Variants in COL14A1 observed in about 807,000 individuals in gnomAD.
COL14A1 encodes the protein collagen type XIV alpha 1 chain.
COL14A1 carries 136 observed loss-of-function variants against 230.3 expected under a neutral mutation model. The ratio of observed to expected loss-of-function variants is 0.59; its 90% CI spans 0.51 to 0.68. COL14A1 has a LOEUF of 0.68. Ranked by LOEUF, COL14A1 falls within the 30% of genes least tolerant of loss-of-function variation. The probability of loss-of-function intolerance (pLI) is 0.00; values close to 1 mark genes in which losing one functional copy is unlikely to be tolerated. For synonymous variants in COL14A1, 792 were observed against 784.1 expected, an observed-to-expected ratio of 1.01 and a Z score of -0.17; for missense variants, 1,976 against 2,215.8, an observed-to-expected ratio of 0.89 and a Z score of 2.17.
intron 45 of COL14A1, among the ~76,000 whole-genome samples, chr8:120,353,962 T>C (rs1313948613): frequency 7.0e-6 from 1 of 142,134 alleles, no homozygotes; most frequent in East Asian, 2.1e-4. Flanking sequence ...TGCGGCATTA[T>C]TCACAATAGC....
chr8:120,208,389 A>C (rs1244934903), intron 11 of COL14A1, 28 bp downstream of exon 11: 3 of 1,604,774 alleles, frequency 1.9e-6, no homozygotes, highest in South Asian at 1.1e-5. Flanking sequence ...CCCCACTTCT[A>C]ACTTTGTAGA....
At chr8:120,241,363 G>A (rs1013125986) in intron 19 of COL14A1, among the ~76,000 whole-genome samples, 1 of 152,140 alleles carries the variant, frequency 6.6e-6, no homozygotes, top group Non-Finnish European at 1.5e-5. Flanking sequence ...CTTCATAAGA[G>A]GGGAACACAG....
At chr8:120,249,983 TA>T (rs1334472203) in intron 21 of COL14A1, among the ~76,000 whole-genome samples, 1 of 152,056 alleles carries the variant, frequency 6.6e-6, no homozygotes, top group Admixed American at 6.5e-5. Flanking sequence ...AGGAGGTAAA[TA>T]AATTTGTATA....
chr8:120,272,513 A>G (rs930942761), intron 26 of COL14A1, among the ~76,000 whole-genome samples: 1 of 151,740 alleles, frequency 6.6e-6, no homozygotes, highest in Admixed American at 6.6e-5. Flanking sequence ...AATGGATACA[A>G]AATCACAAAC....
At position 120,345,249 on chromosome 8, in the gene COL14A1, G is replaced by T. The variant is rs1023210590; in HGVS notation, c.4889-126G>T. 1.4e-5 allele frequency: 11 copies of T among 767,068 alleles called. No individual in the cohort carries two copies. In the Admixed American group the frequency reaches 3.1e-4, roughly 22 times the overall value. 47.5% of individuals were successfully genotyped at this position (767,068 alleles called of 1,614,324 possible). A position where few individuals can be genotyped will look rare whatever the true frequency, so the allele number is the denominator to read the frequency against. On this transcript the variant is annotated intron_variant, in intron 44 of 47. Coordinates refer to ENST00000297848, the MANE Select transcript of COL14A1 (RefSeq NM_021110.4). Reference sequence around the variant, plus strand: ...AGCTGGAAATCAACATATTTCAAAGGGGTGTGATTTTTCCCTTGGTGGGTA... The same window carrying T: ...AGCTGGAAATCAACATATTTCAAAGTGGTGTGATTTTTCCCTTGGTGGGTA...
At chr8:120,132,751 G>C (rs1322071002) in intron 1 of COL14A1, among the ~76,000 whole-genome samples, 1 of 151,838 alleles carries the variant, frequency 6.6e-6, no homozygotes, top group Non-Finnish European at 1.5e-5. Flanking sequence ...TTTAAACAAA[G>C]TACAAATTAC....
intron 7 of COL14A1, among the ~76,000 whole-genome samples, chr8:120,198,522 G>A (rs1189273456): frequency 6.6e-6 from 1 of 152,118 alleles, no homozygotes. Context: ...TGCAAGCTGA[G>A]CATCCCAACT....
intron 5 of COL14A1, among the ~76,000 whole-genome samples, chr8:120,168,462 A>G (rs1435033302): frequency 6.6e-6 from 1 of 152,170 alleles, no homozygotes; most frequent in Non-Finnish European, 1.5e-5. Flanking sequence ...AGAATGGTGC[A>G]TATATGTACA....
At chr8:120,195,673 C>T (rs910999471) in intron 5 of COL14A1, among the ~76,000 whole-genome samples, 10 of 152,140 alleles carry the variant, frequency 6.6e-5, no homozygotes, top group African/African-American at 1.4e-4. Context: ...GGCAAGAGCA[C>T]GTGTGCAGAG....
intron 40 of COL14A1, among the ~76,000 whole-genome samples, chr8:120,330,884 T>C (rs182744910): frequency 1.5e-3 from 222 of 152,220 alleles, no homozygotes; most frequent in African/African-American, 5.3e-3. Flanking sequence ...GGCAGGCAGA[T>C]CACCTGAGGT....
intron 15 of COL14A1, 31 bp from the exon 16 acceptor site, chr8:120,226,595 TC>T: frequency 1.2e-6 from 2 of 1,610,190 alleles, no homozygotes; most frequent in Non-Finnish European, 1.7e-6. Context: ...CCTTCTCATT[TC>T]CCTAACAAAA....
At chr8:120,128,393 G>A (rs1814423703) in intron 1 of COL14A1, among the ~76,000 whole-genome samples, 1 of 152,116 alleles carries the variant, frequency 6.6e-6, no homozygotes, top group Non-Finnish European at 1.5e-5. Context: ...TGAGCTTCAA[G>A]GATAAAAAGC....
intron 5 of COL14A1, among the ~76,000 whole-genome samples, chr8:120,181,424 T>A (rs923459779): frequency 6.6e-6 from 1 of 152,210 alleles, no homozygotes; most frequent in Non-Finnish European, 1.5e-5. Context: ...AACAATTTTC[T>A]TTTACAAACA....
intron 1 of COL14A1, among the ~76,000 whole-genome samples, chr8:120,143,922 C>A (rs976919825): frequency 4.6e-5 from 7 of 151,810 alleles, no homozygotes; most frequent in African/African-American, 1.7e-4. Flanking sequence ...GTAAATTACA[C>A]CTAGAATAGT....
At chr8:120,370,819 T>C (rs1823561558) in intron 47 of COL14A1, 12 of 1,367,614 alleles carry the variant, frequency 8.8e-6, no homozygotes, top group Non-Finnish European at 9.7e-6. Context: ...TCCCTGGTGA[T>C]GGACTTCTAA....
chr8:120,163,762 T>TA (rs1815772128), intron 4 of COL14A1, among the ~76,000 whole-genome samples: 1 of 151,942 alleles, frequency 6.6e-6, no homozygotes, highest in African/African-American at 2.4e-5. Context: ...AAACTCCATC[T>TA]GAAAAACAAA....
At chr8:120,339,054 G>C (rs78264069) in intron 42 of COL14A1, among the ~76,000 whole-genome samples, 47 of 152,246 alleles carry the variant, frequency 3.1e-4, no homozygotes, top group African/African-American at 1.1e-3. Context: ...CGCCTCCCAG[G>C]TTCAAGTGAT....
intron 9 of COL14A1, 104 bp downstream of exon 9, chr8:120,203,974 G>T: frequency 8.4e-7 from 1 of 1,194,534 alleles, no homozygotes; most frequent in African/African-American, 1.5e-5. Context: ...GCTTTTTGAA[G>T]ACCCCTTATT....
intron 2 of COL14A1, among the ~76,000 whole-genome samples, chr8:120,149,730 C>T (rs1236594582): frequency 1.3e-5 from 2 of 149,238 alleles, no homozygotes; most frequent in Non-Finnish European, 3.0e-5. Flanking sequence ...TCTTGTTTCC[C>T]AGGCTGGAGT....
Sources: gnomAD v4.1 joint callset for allele counts (sites outside exome capture counted in the v4.1 genomes callset) on GRCh38, gnomAD v4.1.1 for gene constraint, MANE v1.5 for transcripts, NCBI Gene and HGNC (gene_info 2026-07-23, HGNC 2026-07-21) for gene names.